The following VWA8 variants were observed in gnomAD, a reference collection of about 807,000 sequenced individuals.
The protein encoded by VWA8 is von Willebrand factor A domain containing 8, also known as von Willebrand factor A domain-containing protein 8.
VWA8 carries 221 observed loss-of-function variants against 241.5 expected under a neutral mutation model. The ratio of observed to expected loss-of-function variants is 0.91; its 90% CI spans 0.82 to 1.02. VWA8 has a LOEUF of 1.02. VWA8 is among the 50% of genes least tolerant of loss of function. VWA8 has a pLI of 0.00. For synonymous variants in VWA8, 852 were observed against 827.1 expected (o/e 1.03, Z -0.52); for missense variants, 2,322 against 2,328.7 (o/e 1.00, Z 0.06).
chr13:41,616,141 T>A (rs1405481071), intron 37 of VWA8, among the ~76,000 whole-genome samples: 1 of 152,214 alleles, frequency 6.6e-6, no homozygotes, highest in South Asian at 2.1e-4. Context: ...TGTTGGTATA[T>A]GGGATTTTCA....
chr13:41,833,495 T>G lies in VWA8; in HGVS notation c.1462A>C (p.Thr488Pro). Residue 488 changes from threonine (T) to proline (P), a missense_variant, in exon 13 of 45, where the codon ACC (threonine) becomes CCC (proline). By Grantham distance (38) the Thr-to-Pro change is conservative. Transcript: ENST00000379310. The part of the protein sequence containing the change: ...TARDLLQQRY[T>P]LPNGDTAWRS... ...CAGGCAGTGTCTCCATTTGGAAGGG[T>G]GTATCTCTGCTGTAGCAGATCACGC... 6.2e-7 allele frequency: 1 copy of G among 1,613,626 alleles called. No individual in the cohort carries two copies.
At chr13:41,721,333 G>A (rs747232362) in intron 25 of VWA8, 37 bp downstream of exon 25, 20 of 1,603,246 alleles carry the variant, frequency 1.2e-5, no homozygotes, top group Non-Finnish European at 1.5e-5. Flanking sequence ...AAAAAAGAGA[G>A]TGATGGCTCT....
chr13:41,568,342 A>T (rs751094738), intron 44 of VWA8, 37 bp from the exon 45 acceptor site: 1 of 1,573,476 alleles, frequency 6.4e-7, no homozygotes, highest in South Asian at 1.1e-5. Context: ...TTACCACTGT[A>T]AATGGGGCTC....
chr13:41,717,811 T>G (rs1413060823), intron 26 of VWA8, among the ~76,000 whole-genome samples: 2 of 152,208 alleles, frequency 1.3e-5, no homozygotes, highest in East Asian at 3.9e-4. Context: ...TCACTCTTCC[T>G]TCACATCTGC....
intron 37 of VWA8, among the ~76,000 whole-genome samples, chr13:41,667,377 T>C (rs2044993579): frequency 6.6e-6 from 1 of 152,202 alleles, no homozygotes; most frequent in Non-Finnish European, 1.5e-5. Flanking sequence ...TCACTCCTTT[T>C]TATTTTCAAA....
intron 21 of VWA8, among the ~76,000 whole-genome samples, chr13:41,758,419 TATATATATATAC>T (rs1566444767): frequency 1.1e-4 from 7 of 66,648 alleles, no homozygotes; most frequent in Admixed American, 1.0e-3. Flanking sequence ...TATATATATA[TATATATATATAC>T]GCTAGTATAT....
chr13:41,645,184 T>C (rs1179099987), intron 37 of VWA8, among the ~76,000 whole-genome samples: 1 of 152,226 alleles, frequency 6.6e-6, no homozygotes, highest in Non-Finnish European at 1.5e-5. Flanking sequence ...TTACTTAAGA[T>C]AGTGCCTGGC....
At position 41,587,687 on chromosome 13, in the gene VWA8, C is replaced by T. The variant is rs76415752; in HGVS notation, c.5113-17G>A. ...GCTGCCAAGCTGAGGGAAGGAATAA[C>T]AGAAAAGCCGTTTGTGAACTGGCAA... is the stretch of plus-strand genomic sequence containing the variant. On this transcript the variant is annotated splice_polypyrimidine_tract_variant and intron_variant, in intron 41 of 44. Coordinates refer to ENST00000379310, the MANE Select transcript of VWA8 (RefSeq NM_015058.2). The T allele has an allele frequency of 7.8e-4, 1,261 of 1,612,696 alleles. 6 individuals are homozygous for T. The African/African-American group carries it at 0.015, about 19-fold the overall frequency.
At chr13:41,864,661 G>A (rs1274091960) in intron 12 of VWA8, 1 of 424,176 alleles carries the variant, frequency 2.4e-6, no homozygotes, top group Non-Finnish European at 4.6e-6. Context: ...GAGTTTACCA[G>A]GGTCTGAGAG....
chr13:41,871,464 C>A (rs1025002634), intron 9 of VWA8, among the ~76,000 whole-genome samples: 2 of 152,130 alleles, frequency 1.3e-5, no homozygotes, highest in African/African-American at 2.4e-5. Context: ...ACTCCCTCCA[C>A]CCCACAACAG....
chr13:41,630,063 C>T (rs985757905), intron 37 of VWA8, among the ~76,000 whole-genome samples: 4 of 152,072 alleles, frequency 2.6e-5, no homozygotes, highest in African/African-American at 9.7e-5. Context: ...AAAATAAAGC[C>T]TTGTTTTCTT....
Position 41,839,217 on chromosome 13 carries a change from T to C in VWA8, c.1426-5686A>G, listed in dbSNP as rs1871878968. On this transcript the variant is annotated intron_variant, in intron 12 of 44. Transcript: ENST00000379310. ...ACTGGCATGAGATAGTATCTCATTG[T>C]GGTTTTGATTTGCATTTCTGTAATG... is the stretch of plus-strand genomic sequence containing the variant. 2.0e-5 allele frequency among the ~76,000 whole-genome samples: 3 copies of C among 152,240 alleles called. No homozygotes were observed. In the South Asian group the frequency reaches 6.2e-4, roughly 31 times the overall value.
chr13:41,709,913 C>G (rs569022143), intron 26 of VWA8, among the ~76,000 whole-genome samples: 2 of 152,114 alleles, frequency 1.3e-5, no homozygotes, highest in Admixed American at 6.6e-5. Flanking sequence ...TCCTGAGTAG[C>G]TGGGACTACA....
At chr13:41,589,767 C>T (rs2044442562) in intron 41 of VWA8, among the ~76,000 whole-genome samples, 3 of 152,186 alleles carry the variant, frequency 2.0e-5, no homozygotes, top group Admixed American at 2.0e-4. Flanking sequence ...CGGTCACAAA[C>T]CATTGCTTTG....
intron 17 of VWA8, among the ~76,000 whole-genome samples, chr13:41,797,025 G>A (rs11840562): frequency 0.043 from 6,465 of 151,782 alleles, 177 homozygotes; most frequent in Non-Finnish European, 0.065. Context: ...CTGAAAAACC[G>A]ATTTTTTTCT....
chr13:41,699,315 C>A (rs1355683438), intron 28 of VWA8, 45 bp from the exon 29 acceptor site: 2 of 1,579,440 alleles, frequency 1.3e-6, no homozygotes, highest in South Asian at 1.1e-5. Context: ...GCAACCAATT[C>A]TCTAATTGGC....
chr13:41,823,177 A>G (rs1012926263), intron 14 of VWA8, among the ~76,000 whole-genome samples: 1 of 152,166 alleles, frequency 6.6e-6, no homozygotes, highest in Non-Finnish European at 1.5e-5. Context: ...GATTTCTAGG[A>G]AGCTAGGAGA....
chr13:41,870,163 T>C (rs1873522803), intron 9 of VWA8, among the ~76,000 whole-genome samples: 1 of 152,122 alleles, frequency 6.6e-6, no homozygotes, highest in African/African-American at 2.4e-5. Context: ...CTATATTTCA[T>C]ACAATTTATA....
chr13:41,840,624 T>G (rs1269495948), intron 12 of VWA8, among the ~76,000 whole-genome samples: 1 of 151,952 alleles, frequency 6.6e-6, no homozygotes, highest in Non-Finnish European at 1.5e-5. Context: ...CCAGATATGG[T>G]GGTGCACACC....
Sources: allele counts gnomAD v4.1 joint callset (sites outside exome capture counted in the v4.1 genomes callset), GRCh38; gene constraint gnomAD v4.1.1; transcripts MANE v1.5; gene names NCBI Gene and HGNC (gene_info 2026-07-23, HGNC 2026-07-21).